The following ZNF804B variants were observed in gnomAD, a reference collection of about 807,000 sequenced individuals.
ZNF804B encodes zinc finger protein 804B.
Under a neutral mutation model 101.4 loss-of-function variants are expected in ZNF804B, and 80 were observed. The ratio of observed to expected loss-of-function variants is 0.79; its 90% confidence interval spans 0.66 to 0.95. ZNF804B has a LOEUF of 0.95. Ranked by LOEUF, ZNF804B falls within the 40% of genes least tolerant of loss-of-function variation. The probability of loss-of-function intolerance (pLI) is 0.00; values close to 1 mark genes in which losing one functional copy is unlikely to be tolerated. For missense variants in ZNF804B, 1,673 were observed against 1,561.9 expected, an observed-to-expected ratio of 1.07 and a Z score of -1.20; for synonymous variants, 622 against 558.8, an observed-to-expected ratio of 1.11 and a Z score of -1.59.
chr7:88,923,074 G>C (rs190214618), intron 1 of ZNF804B, among the ~76,000 whole-genome samples: 188 of 152,046 alleles, frequency 1.2e-3, no homozygotes, highest in African/African-American at 4.3e-3. Context: ...TAATTATGAG[G>C]TATAGAATAT....
chr7:89,183,795 C>G (rs531549167), intron 1 of ZNF804B, among the ~76,000 whole-genome samples: 3 of 152,290 alleles, frequency 2.0e-5, no homozygotes, highest in South Asian at 2.1e-4. Flanking sequence ...TCTGCACATT[C>G]ACGTCTAAAT....
chr7:88,797,016 C>T (rs1790496588), intron 1 of ZNF804B, among the ~76,000 whole-genome samples: 1 of 152,098 alleles, frequency 6.6e-6, no homozygotes, highest in Admixed American at 6.6e-5. Flanking sequence ...CTCTTCTCTC[C>T]TTGGATGTAA....
chr7:89,054,898 G>T (rs1037582538), intron 1 of ZNF804B, among the ~76,000 whole-genome samples: 11 of 151,668 alleles, frequency 7.3e-5, no homozygotes, highest in African/African-American at 2.7e-4. Flanking sequence ...TTGAATACCT[G>T]TTCAAGGCAT....
chr7:88,788,436 C>T (rs1051862900), intron 1 of ZNF804B, among the ~76,000 whole-genome samples: 15 of 152,106 alleles, frequency 9.9e-5, no homozygotes, highest in Non-Finnish European at 2.1e-4. Context: ...ACCGTTACCA[C>T]CCCACCTCTT....
rs1347395579 is a variant in ZNF804B, at chr7:88,942,703, C to T, written c.108+182619C>T. On this transcript the variant is annotated intron_variant, in intron 1 of 3. Transcript: ENST00000333190. ...AACCAATGGTATTTAGGTTAGACCACGTGTTACCATCAAATGAAAATATAA... is the reference window on the plus strand; with the variant it reads ...AACCAATGGTATTTAGGTTAGACCATGTGTTACCATCAAATGAAAATATAA... 6.6e-5 allele frequency among the ~76,000 whole-genome samples: 10 copies of T among 151,634 alleles called. No homozygotes were observed. In the East Asian group the frequency reaches 1.4e-3, roughly 21 times the overall value.
intron 1 of ZNF804B, among the ~76,000 whole-genome samples, chr7:89,014,809 T>C (rs531422785): frequency 1.3e-5 from 2 of 152,146 alleles, no homozygotes; most frequent in Admixed American, 1.3e-4. Context: ...AGGTTGGCTT[T>C]CCACTCTGTT....
chr7:89,207,262 A>G (rs1027807228), intron 1 of ZNF804B, among the ~76,000 whole-genome samples: 11 of 152,196 alleles, frequency 7.2e-5, no homozygotes, highest in African/African-American at 2.7e-4. Context: ...AGACTGGGTA[A>G]TTTACAGAGG....
chr7:89,110,336 C>T (rs1020968841), intron 1 of ZNF804B, among the ~76,000 whole-genome samples: 1 of 151,920 alleles, frequency 6.6e-6, no homozygotes, highest in African/African-American at 2.4e-5. Context: ...CAGGGAAGTA[C>T]CATGGTAAAA....
Position 89,066,938 on chromosome 7 carries a change from A to G in ZNF804B, c.109-151217A>G, listed in dbSNP as rs183703396. Reference sequence around the variant, plus strand: ...ATGTTTGTGGTATTTGTCAATTTCTAATATATATATAAGTATATATATATC... The same window carrying G: ...ATGTTTGTGGTATTTGTCAATTTCTGATATATATATAAGTATATATATATC... On this transcript the variant is annotated intron_variant, in intron 1 of 3. Coordinates refer to ENST00000333190, the MANE Select transcript of ZNF804B (RefSeq NM_181646.5). Among the ~76,000 whole-genome samples the G allele has an allele frequency of 1.0e-3, 152 of 151,838 alleles. 1 individual carries two copies. The highest frequency in any genetic ancestry group is 3.5e-3 in the African/African-American group (144 of 41,440).
At chr7:89,279,816 T>C (rs1790054650) in intron 2 of ZNF804B, among the ~76,000 whole-genome samples, 3 of 152,046 alleles carry the variant, frequency 2.0e-5, no homozygotes, top group Admixed American at 1.3e-4. Flanking sequence ...AAATTCTCTT[T>C]TTTGGTTGTG....
rs68069374 is a variant in ZNF804B at position 88,948,306 on chromosome 7, A to AT, written c.108+188247dup. ...ACCTTCGTGTACTAGCCACCCATCC[A>AT]TTTTTTTTTTTTTTTTTTTTTTTTT... is the stretch of plus-strand genomic sequence containing the variant. On this transcript the variant is annotated intron_variant, in intron 1 of 3. Coordinates refer to ENST00000333190, the MANE Select transcript of ZNF804B (RefSeq NM_181646.5). 7.0e-3 allele frequency among the ~76,000 whole-genome samples: 647 copies of AT among 92,690 alleles called. 8 individuals are homozygous for AT. Among genetic ancestry groups the AT allele is most frequent in the East Asian group, 0.045 (153 of 3,426 alleles). The allele number at this position is 92,690 out of a possible 152,430, so 60.8% of individuals were successfully genotyped here.
intron 1 of ZNF804B, among the ~76,000 whole-genome samples, chr7:89,127,915 A>AT (rs1790496999): frequency 6.6e-6 from 1 of 151,696 alleles, no homozygotes; most frequent in African/African-American, 2.4e-5. Flanking sequence ...TTATTTTCAT[A>AT]TAAAAACTTC....
intron 1 of ZNF804B, among the ~76,000 whole-genome samples, chr7:88,973,817 A>G (rs1793571850): frequency 1.3e-5 from 2 of 151,460 alleles, no homozygotes; most frequent in Admixed American, 1.3e-4. Context: ...TAATGTGTAT[A>G]GCTGTTTATG....
chr7:89,309,516 C>T (rs1050291752), intron 2 of ZNF804B, among the ~76,000 whole-genome samples: 10 of 152,016 alleles, frequency 6.6e-5, no homozygotes, highest in Admixed American at 5.9e-4. Context: ...AATCCCAGCA[C>T]TTTGGGAAGC....
chr7:88,930,893 A>G (rs1792875087), intron 1 of ZNF804B, among the ~76,000 whole-genome samples: 1 of 151,924 alleles, frequency 6.6e-6, no homozygotes, highest in South Asian at 2.1e-4. Context: ...AGAGCTATCA[A>G]ATGATTTTTT....
Position 89,336,160 on chromosome 7 carries a change from C to T in ZNF804B, c.3178C>T (p.Gln1060Ter), listed in dbSNP as rs1193769773. 1.9e-6 allele frequency: 3 copies of T among 1,613,762 alleles called. No homozygotes were observed. Among genetic ancestry groups the T allele is most frequent in the Admixed American group, 3.3e-5 (2 of 59,948 alleles). Residue 1060 changes from glutamine to a stop codon, truncating the protein, a stop_gained, in exon 4 of 4, where the codon CAA (glutamine) becomes TAA (stop). Transcript: ENST00000333190. LOFTEE classifies it high-confidence loss of function. ...ATCAAAACCTTTAATTAGTGAAATC[C>T]AACCTTTTATTCAAAGCTGTGACCC... ...EQSKPLISEI[Q>*]PFIQSCDPVP...
intron 2 of ZNF804B, among the ~76,000 whole-genome samples, chr7:89,302,463 A>G (rs1425219508): frequency 1.3e-5 from 2 of 150,824 alleles, no homozygotes; most frequent in African/African-American, 4.8e-5. Context: ...AGAGCTTGGA[A>G]TGGCCATGTT....
At chr7:89,123,889 A>C (rs575732345) in intron 1 of ZNF804B, among the ~76,000 whole-genome samples, 1 of 152,284 alleles carries the variant, frequency 6.6e-6, no homozygotes, top group East Asian at 1.9e-4. Flanking sequence ...TATTTATATA[A>C]GACTTTCATT....
chr7:88,932,960 C>T (rs530964575), intron 1 of ZNF804B, among the ~76,000 whole-genome samples: 11 of 151,748 alleles, frequency 7.2e-5, no homozygotes, highest in Non-Finnish European at 1.6e-4. Flanking sequence ...TCTAGTATCA[C>T]CCTAATACCA....
Sources: gnomAD v4.1 joint callset for allele counts (sites outside exome capture counted in the v4.1 genomes callset) on GRCh38, gnomAD v4.1.1 for gene constraint, MANE v1.5 for transcripts, NCBI Gene and HGNC (gene_info 2026-07-23, HGNC 2026-07-21) for gene names.